HCK: variants seen among roughly 807,000 people sequenced by gnomAD.
The protein encoded by HCK is HCK proto-oncogene, Src family tyrosine kinase, also known as tyrosine-protein kinase HCK.
A neutral mutation model predicts 70.4 loss-of-function variants in HCK; 40 were observed. The observed-to-expected ratio is 0.57, with a 90% CI of 0.44 to 0.74. HCK has a LOEUF of 0.74. HCK is among the 30% of genes least tolerant of loss of function. HCK has a pLI of 0.00. For synonymous variants in HCK, 245 were observed against 263.2 expected, an observed-to-expected ratio of 0.93 and a Z score of 0.67; for missense variants, 568 against 697.2, an observed-to-expected ratio of 0.81 and a Z score of 2.09.
chr20:32,086,018 TTTTGTTTG>T (rs761682366), intron 8 of HCK, among the ~76,000 whole-genome samples: 1 of 152,090 alleles, frequency 6.6e-6, no homozygotes, highest in African/African-American at 2.4e-5. Context: ...TGTTTGGGTT[TTTTGTTTG>T]TTTGTTTGTT....
At chr20:32,079,743 G>A in intron 5 of HCK, 31 bp from the exon 6 acceptor site, 1 of 1,515,902 alleles carries the variant, frequency 6.6e-7, no homozygotes, top group Admixed American at 1.7e-5. Context: ...ATGACCCCAG[G>A]TTCACATTTG....
At position 32,101,401 on chromosome 20, in the gene HCK, A is replaced by C; in HGVS notation, c.1463A>C (p.Asn488Thr). 1 of 1,614,184 alleles carries C rather than the reference A, an allele frequency of 6.2e-7. No individual in the cohort carries two copies. The highest frequency in any genetic ancestry group is 8.5e-7 in the Non-Finnish European group (1 of 1,180,016). ...GAGAACTGCCCAGAGGAGCTCTACAACATCATGATGCGCTGCTGGAAAAAC... is the reference window on the plus strand; with the variant it reads ...GAGAACTGCCCAGAGGAGCTCTACACCATCATGATGCGCTGCTGGAAAAAC... Residue 488 changes from asparagine (N) to threonine (T), a missense_variant, in exon 13 of 13, where the codon AAC becomes ACC. Transcript: ENST00000375852.
chr20:32,082,199 C>T (rs778261953), intron 6 of HCK, among the ~76,000 whole-genome samples: 1 of 152,116 alleles, frequency 6.6e-6, no homozygotes, highest in Non-Finnish European at 1.5e-5. Flanking sequence ...ACCCTTACCC[C>T]ATGAGGTTAT....
intron 5 of HCK, among the ~76,000 whole-genome samples, chr20:32,077,880 T>G (rs1181601832): frequency 6.6e-6 from 1 of 152,174 alleles, no homozygotes; most frequent in Non-Finnish European, 1.5e-5. Flanking sequence ...TACCGTCCAT[T>G]TAACCTCTGC....
intron 1 of HCK, among the ~76,000 whole-genome samples, chr20:32,054,013 AG>A (rs1168861356): frequency 1.3e-5 from 2 of 151,122 alleles, no homozygotes; most frequent in East Asian, 3.9e-4. Context: ...TTTTTAGGGG[AG>A]GGGGTGACAG....
At chr20:32,091,443 C>T (rs1004483499) in intron 10 of HCK, among the ~76,000 whole-genome samples, 3 of 152,300 alleles carry the variant, frequency 2.0e-5, no homozygotes, top group South Asian at 2.1e-4. Flanking sequence ...AACAAAAGTG[C>T]CTCCTCCAAA....
chr20:32,056,123 C>T (rs2045267370), intron 1 of HCK, among the ~76,000 whole-genome samples: 1 of 152,210 alleles, frequency 6.6e-6, no homozygotes, highest in Non-Finnish European at 1.5e-5. Flanking sequence ...AATAATACTG[C>T]TATGAGCATG....
At chr20:32,099,381 G>A (rs1216155102) in intron 12 of HCK, among the ~76,000 whole-genome samples, 1 of 115,464 alleles carries the variant, frequency 8.7e-6, no homozygotes, top group African/African-American at 4.3e-5. Context: ...TTTTTGAGAC[G>A]GAGTCTCCCT....
rs190281266 is a variant in HCK, at chr20:32,059,628, C to T, written c.62+7142C>T. Among the ~76,000 whole-genome samples, 4 of 152,144 alleles carry T rather than the reference C, an allele frequency of 2.6e-5. No homozygotes were observed. The East Asian group carries it at 7.7e-4, about 29-fold the overall frequency. On this transcript the variant is annotated intron_variant, in intron 1 of 12. Coordinates refer to ENST00000375852, the MANE Select transcript of HCK (RefSeq NM_002110.5). ...CTCCTGCGCTCAAGCGATCCTCCCACCTCAGCCTCCTGAGTAGCTGGGATC... is the reference window on the plus strand; with the variant it reads ...CTCCTGCGCTCAAGCGATCCTCCCATCTCAGCCTCCTGAGTAGCTGGGATC...
At chr20:32,095,081 A>C (rs894226129) in intron 11 of HCK, among the ~76,000 whole-genome samples, 8 of 152,252 alleles carry the variant, frequency 5.3e-5, no homozygotes, top group African/African-American at 1.9e-4. Context: ...CAATTGATGA[A>C]CAGACGAACA....
Position 32,101,355 on chromosome 20 carries a change from G to A in HCK, c.1417G>A (p.Gly473Arg), listed in dbSNP as rs746647795. The A allele has an allele frequency of 3.1e-6, 5 of 1,614,106 alleles. No individual in the cohort carries two copies. The highest frequency in any genetic ancestry group is 2.2e-5 in the East Asian group (1 of 44,896). ...TGAAGTGATCCGAGCTCTGGAGCGT[G>A]GATACCGGATGCCTCGCCCAGAGAA... The change falls in exon 13 of 13, where the codon GGA becomes AGA. Residue 473 changes from glycine (G) to arginine (R), a missense_variant. Gly to Arg is a moderately radical substitution (Grantham distance 125). Coordinates refer to ENST00000375852, the MANE Select transcript of HCK (RefSeq NM_002110.5).
At chr20:32,086,935 T>C in intron 9 of HCK, 128 bp downstream of exon 9, 1 of 778,600 alleles carries the variant, frequency 1.3e-6, no homozygotes. Context: ...TTCCAACAAG[T>C]ACTCATTGAG....
intron 1 of HCK, among the ~76,000 whole-genome samples, chr20:32,062,836 AC>A (rs1405292345): frequency 6.6e-6 from 1 of 152,104 alleles, no homozygotes; most frequent in Non-Finnish European, 1.5e-5. Flanking sequence ...TGGGCTCTGC[AC>A]CCCCAAGGCA....
Position 32,101,304 on chromosome 20 carries a change from G to A in HCK, c.1379-13G>A, listed in dbSNP as rs771940422. ...CAACTGCTTCCGTTTCTAATTCCAC[G>A]GCTCCTTTTCAGGGATGTCAAACCC... On this transcript the variant is annotated splice_polypyrimidine_tract_variant and intron_variant, in intron 12 of 12. Transcript: ENST00000375852. 6.8e-6 allele frequency: 11 copies of A among 1,612,556 alleles called. No individual in the cohort carries two copies. Among genetic ancestry groups the A allele is most frequent in the Non-Finnish European group, 9.3e-6 (11 of 1,179,292 alleles).
intron 5 of HCK, among the ~76,000 whole-genome samples, chr20:32,078,798 A>G (rs2045664990): frequency 7.0e-6 from 1 of 143,492 alleles, no homozygotes; most frequent in African/African-American, 2.6e-5. Flanking sequence ...CAGAGGTTTC[A>G]GTGAGCCCAG....
intron 11 of HCK, among the ~76,000 whole-genome samples, chr20:32,098,158 C>T (rs893740432): frequency 2.0e-5 from 3 of 151,964 alleles, no homozygotes; most frequent in Non-Finnish European, 4.4e-5. Flanking sequence ...AGTGATTCTC[C>T]TGTCTCAGCC....
chr20:32,092,779 C>T (rs945068719), intron 10 of HCK, among the ~76,000 whole-genome samples: 4 of 152,032 alleles, frequency 2.6e-5, no homozygotes, highest in African/African-American at 7.2e-5. Flanking sequence ...TTACCTACCT[C>T]CACGCCTTTG....
intron 1 of HCK, among the ~76,000 whole-genome samples, chr20:32,069,022 T>G (rs755704505): frequency 6.6e-6 from 1 of 152,226 alleles, no homozygotes; most frequent in Non-Finnish European, 1.5e-5. Flanking sequence ...ACTTCTCCAG[T>G]GTTGCAGTAT....
intron 1 of HCK, among the ~76,000 whole-genome samples, chr20:32,070,176 C>T (rs1223895288): frequency 1.3e-5 from 2 of 152,138 alleles, no homozygotes; most frequent in African/African-American, 4.8e-5. Flanking sequence ...CTACCCTGGG[C>T]CACCATCATC....
Sources: allele counts gnomAD v4.1 joint callset (sites outside exome capture counted in the v4.1 genomes callset), GRCh38; gene constraint gnomAD v4.1.1; transcripts MANE v1.5; gene names NCBI Gene and HGNC (gene_info 2026-07-23, HGNC 2026-07-21).